KCND2: variants seen among roughly 807,000 people sequenced by gnomAD.
KCND2 encodes A-type voltage-gated potassium channel KCND2.
KCND2 carries 16 observed loss-of-function variants against 54.4 expected under a neutral mutation model. The observed-to-expected ratio is 0.29, with a 90% CI of 0.20 to 0.45. The LOEUF is 0.45. Ranked by LOEUF, KCND2 falls within the 20% of genes least tolerant of loss-of-function variation. The pLI, the probability that KCND2 is intolerant of heterozygous loss-of-function variation, is 1.00. For missense variants in KCND2, 486 were observed against 824.2 expected, an observed-to-expected ratio of 0.59 and a Z score of 5.02; for synonymous variants, 317 against 310.7, an observed-to-expected ratio of 1.02 and a Z score of -0.21.
chr7:120,327,930 G>T (rs1054804126), intron 1 of KCND2, among the ~76,000 whole-genome samples: 1 of 152,072 alleles, frequency 6.6e-6, no homozygotes, highest in Non-Finnish European at 1.5e-5. Flanking sequence ...AGTTGAGTTT[G>T]AGAACATGCC....
At chr7:120,645,529 G>A (rs1204369116) in intron 1 of KCND2, among the ~76,000 whole-genome samples, 1 of 152,026 alleles carries the variant, frequency 6.6e-6, no homozygotes, top group Non-Finnish European at 1.5e-5. Flanking sequence ...CACATGACAA[G>A]TGGCATGCTA....
chr7:120,739,798 AACACACACAC>A (rs10571787), intron 2 of KCND2, among the ~76,000 whole-genome samples: 14 of 143,970 alleles, frequency 9.7e-5, no homozygotes, highest in African/African-American at 3.0e-4. Flanking sequence ...TAACAAAAGA[AACACACACAC>A]ACACACACAC....
chr7:120,645,796 T>G (rs1475735660), intron 1 of KCND2, among the ~76,000 whole-genome samples: 1 of 152,246 alleles, frequency 6.6e-6, no homozygotes, highest in African/African-American at 2.4e-5. Context: ...TGGTGTTTTA[T>G]GTCCAATAGC....
At chr7:120,618,670 T>A (rs1166215261) in intron 1 of KCND2, among the ~76,000 whole-genome samples, 1 of 152,176 alleles carries the variant, frequency 6.6e-6, no homozygotes, top group African/African-American at 2.4e-5. Context: ...AGTGATTAAT[T>A]TACACGGAAC....
chr7:120,593,197 C>A (rs925096647), intron 1 of KCND2, among the ~76,000 whole-genome samples: 1 of 152,128 alleles, frequency 6.6e-6, no homozygotes, highest in Non-Finnish European at 1.5e-5. Flanking sequence ...ATCAAATATT[C>A]TTTCTCAGAG....
intron 1 of KCND2, among the ~76,000 whole-genome samples, chr7:120,674,303 C>A (rs982278372): frequency 2.0e-5 from 3 of 152,094 alleles, no homozygotes; most frequent in Admixed American, 6.5e-5. Flanking sequence ...CTGATCTAGG[C>A]GCTGCTCCAA....
At chr7:120,286,566 A>T (rs1799347692) in intron 1 of KCND2, among the ~76,000 whole-genome samples, 1 of 152,022 alleles carries the variant, frequency 6.6e-6, no homozygotes, top group Admixed American at 6.6e-5. Flanking sequence ...GCCTTGCATT[A>T]GAGTAAGTCT....
chr7:120,639,414 C>T (rs1196410778), intron 1 of KCND2, among the ~76,000 whole-genome samples: 1 of 152,110 alleles, frequency 6.6e-6, no homozygotes. Context: ...CTCCAAAAGA[C>T]ATGAGGTTCA....
At chr7:120,436,163 T>C (rs1801862969) in intron 1 of KCND2, among the ~76,000 whole-genome samples, 1 of 152,244 alleles carries the variant, frequency 6.6e-6, no homozygotes, top group East Asian at 1.9e-4. Context: ...TTTAAAAATA[T>C]ATTCTTTCCA....
At chr7:120,515,052 A>T (rs1298136473) in intron 1 of KCND2, among the ~76,000 whole-genome samples, 3 of 152,126 alleles carry the variant, frequency 2.0e-5, no homozygotes, top group Non-Finnish European at 2.9e-5. Context: ...ATTTAATAAG[A>T]TGAAGGTCCT....
At chr7:120,670,853 T>A (rs1791983571) in intron 1 of KCND2, among the ~76,000 whole-genome samples, 1 of 151,188 alleles carries the variant, frequency 6.6e-6, no homozygotes. Context: ...GAGGCGGAGC[T>A]TGCAGTGAGC....
chr7:120,568,979 T>A (rs999037323), intron 1 of KCND2, among the ~76,000 whole-genome samples: 36 of 152,088 alleles, frequency 2.4e-4, no homozygotes, highest in African/African-American at 8.5e-4. Context: ...TAACCTCTGG[T>A]CGCCCTATCA....
chr7:120,419,046 C>T (rs981863158), intron 1 of KCND2, among the ~76,000 whole-genome samples: 7 of 151,984 alleles, frequency 4.6e-5, no homozygotes, highest in Middle Eastern at 6.8e-3. Flanking sequence ...CACTGTACCA[C>T]TGAATCTCTC....
At chr7:120,493,005 G>A (rs1272040422) in intron 1 of KCND2, among the ~76,000 whole-genome samples, 1 of 151,838 alleles carries the variant, frequency 6.6e-6, no homozygotes, top group Non-Finnish European at 1.5e-5. Context: ...CGTAAGTAAG[G>A]GTCATCTGTA....
chr7:120,397,993 G>GTATATA (rs1270652807), intron 1 of KCND2, among the ~76,000 whole-genome samples: 19 of 39,960 alleles, frequency 4.8e-4, no homozygotes, highest in African/African-American at 9.0e-4. Context: ...GTGTGTGTGT[G>GTATATA]TGTATATATA....
chr7:120,703,092 G>C (rs1020012659), intron 1 of KCND2, among the ~76,000 whole-genome samples: 1 of 152,144 alleles, frequency 6.6e-6, no homozygotes, highest in Non-Finnish European at 1.5e-5. Context: ...CAGTGGTCCC[G>C]TGCTTGAAGG....
chr7:120,457,845 G>A (rs1223624617), intron 1 of KCND2, among the ~76,000 whole-genome samples: 1 of 152,158 alleles, frequency 6.6e-6, no homozygotes. Context: ...TACTGTGTTA[G>A]TTGGTTCTCA....
At chr7:120,569,920 G>C (rs1792341768) in intron 1 of KCND2, among the ~76,000 whole-genome samples, 1 of 152,094 alleles carries the variant, frequency 6.6e-6, no homozygotes, top group African/African-American at 2.4e-5. Flanking sequence ...TTCGGACACA[G>C]ATTGATTTTT....
intron 1 of KCND2, among the ~76,000 whole-genome samples, chr7:120,358,681 T>C (rs1800544302): frequency 1.3e-5 from 2 of 152,102 alleles, no homozygotes. Flanking sequence ...TAATTTCCCT[T>C]TGTGAATGCA....
Sources: allele counts gnomAD v4.1 joint callset (sites outside exome capture counted in the v4.1 genomes callset), GRCh38; gene constraint gnomAD v4.1.1; transcripts MANE v1.5; gene names NCBI Gene and HGNC (gene_info 2026-07-23, HGNC 2026-07-21).